UGT3A1: variants seen among roughly 807,000 people sequenced by gnomAD.
UGT3A1 encodes the protein UDP-glycosyltransferase 3A1.
Under a neutral mutation model 37.6 loss-of-function variants are expected in UGT3A1, and 40 were observed. The ratio of observed to expected loss-of-function variants is 1.06; its 90% confidence interval spans 0.83 to 1.38. The LOEUF (loss-of-function observed/expected upper bound fraction) is 1.38. Ranked by LOEUF, UGT3A1 falls within the 40% of genes most tolerant of loss-of-function variation. UGT3A1 has a pLI of 0.00. For missense variants in UGT3A1, 642 were observed against 634.2 expected (o/e 1.01, Z -0.13); for synonymous variants, 256 against 232.3 (o/e 1.10, Z -0.93).
At chr5:35,965,209 C>T (rs1290859178) in intron 4 of UGT3A1, among the ~76,000 whole-genome samples, 177 bp downstream of exon 4, 1 of 152,182 alleles carries the variant, frequency 6.6e-6, no homozygotes, top group Non-Finnish European at 1.5e-5. Flanking sequence ...TCCTGCAAGG[C>T]CTGACACTGT....
chr5:35,972,892 A>AT (rs1006039068), intron 2 of UGT3A1, among the ~76,000 whole-genome samples: 1 of 151,604 alleles, frequency 6.6e-6, no homozygotes, highest in Non-Finnish European at 1.5e-5. Context: ...GCCCTGAAAA[A>AT]AAAAAAAATC....
chr5:35,964,854 C>T (rs1018352292), intron 4 of UGT3A1, among the ~76,000 whole-genome samples: 2 of 152,126 alleles, frequency 1.3e-5, no homozygotes, highest in African/African-American at 4.8e-5. Context: ...ATGGCAGGGG[C>T]CCACCCCAGA....
intron 2 of UGT3A1, among the ~76,000 whole-genome samples, chr5:35,979,014 T>G (rs887097443): frequency 2.6e-5 from 4 of 152,184 alleles, no homozygotes; most frequent in African/African-American, 7.2e-5. Context: ...ATGATCTCCT[T>G]TGAATCCGTG....
intron 5 of UGT3A1, among the ~76,000 whole-genome samples, chr5:35,956,382 A>C (rs1250635218): frequency 1.3e-5 from 2 of 152,230 alleles, no homozygotes; most frequent in African/African-American, 4.8e-5. Flanking sequence ...TTCTCAACAG[A>C]AATGTGGATT....
At chr5:35,989,279 T>C (rs1289850235) in intron 1 of UGT3A1, among the ~76,000 whole-genome samples, 1 of 152,196 alleles carries the variant, frequency 6.6e-6, no homozygotes, top group Non-Finnish European at 1.5e-5. Flanking sequence ...AATCCTACCA[T>C]GCTAAGGAAA....
chr5:35,959,380 T>C (rs1739487098), intron 4 of UGT3A1, among the ~76,000 whole-genome samples: 1 of 152,166 alleles, frequency 6.6e-6, no homozygotes, highest in African/African-American at 2.4e-5. Context: ...TTGGACTTAC[T>C]ACACAAATAT....
chr5:35,989,023 A>C (rs1264385737), intron 1 of UGT3A1, among the ~76,000 whole-genome samples: 1 of 152,228 alleles, frequency 6.6e-6, no homozygotes, highest in East Asian at 1.9e-4. Context: ...CCTATTTTGG[A>C]AAAGTATGCT....
intron 3 of UGT3A1, among the ~76,000 whole-genome samples, chr5:35,967,446 G>A (rs1739854949): frequency 6.6e-6 from 1 of 152,218 alleles, no homozygotes; most frequent in African/African-American, 2.4e-5. Context: ...AGGGCAAGAA[G>A]TCTCAGGCTC....
Position 35,951,880 on chromosome 5 carries a change from A to G in UGT3A1, c.*2322T>C, listed in dbSNP as rs1224169996. 6.6e-6 allele frequency: 1 copy of G among 152,168 alleles called. No individual in the cohort carries two copies. Among genetic ancestry groups the G allele is most frequent in the African/African-American group, 2.4e-5 (1 of 41,438 alleles). The allele number at this position is 152,168 out of a possible 1,614,324, so 9.4% of individuals were successfully genotyped here. A position where few individuals can be genotyped will look rare whatever the true frequency, so the allele number is the denominator to read the frequency against. On this transcript the variant is annotated 3_prime_UTR_variant, in exon 7 of 7. Transcript: ENST00000274278. Reference sequence around the variant, plus strand: ...GTTTTTGATATAGTGTGAAGTCTGGATCAAATATTGCCTTTTTTCTCAATA... The same window carrying G: ...GTTTTTGATATAGTGTGAAGTCTGGGTCAAATATTGCCTTTTTTCTCAATA...
Position 35,991,338 on chromosome 5 carries a change from T to A in UGT3A1, c.-98A>T. Reference sequence around the variant, plus strand: ...GCCTCAGTACTCCAAAGGCACTGGCTGTGGGCCTAGGAAGAGGTAGGAGAC... The same window carrying A: ...GCCTCAGTACTCCAAAGGCACTGGCAGTGGGCCTAGGAAGAGGTAGGAGAC... On this transcript the variant is annotated 5_prime_UTR_variant, in exon 1 of 7. Transcript: ENST00000274278. 1.3e-6 allele frequency: 2 copies of A among 1,563,070 alleles called. No homozygotes were observed. The highest frequency in any genetic ancestry group is 2.3e-5 in the East Asian group (1 of 44,194).
intron 2 of UGT3A1, among the ~76,000 whole-genome samples, chr5:35,987,592 CAA>C (rs1181407980): frequency 6.6e-6 from 1 of 152,084 alleles, no homozygotes; most frequent in Non-Finnish European, 1.5e-5. Flanking sequence ...GTGAACATTC[CAA>C]AACTCAATCT....
intron 1 of UGT3A1, among the ~76,000 whole-genome samples, chr5:35,989,435 C>G (rs1222109455): frequency 6.6e-6 from 1 of 152,094 alleles, no homozygotes; most frequent in East Asian, 1.9e-4. Flanking sequence ...TGGAAAAATG[C>G]CGAGAGTTTG....
At chr5:35,983,954 T>C (rs1032731655) in intron 2 of UGT3A1, among the ~76,000 whole-genome samples, 1 of 152,116 alleles carries the variant, frequency 6.6e-6, no homozygotes, top group Non-Finnish European at 1.5e-5. Flanking sequence ...TCATATCAAA[T>C]AGCAAAAAAC....
At position 35,965,894 on chromosome 5, in the gene UGT3A1, T is replaced by C; in HGVS notation, c.335A>G (p.Lys112Arg). 2.6e-6 allele frequency: 4 copies of C among 1,565,762 alleles called. No homozygotes were observed. Among genetic ancestry groups the C allele is most frequent in the Non-Finnish European group, 3.4e-6 (4 of 1,160,814 alleles). ...DGRKESEALV[K>R]LMEIFGTQCS... ...TTGAGTCCCAAATATTTCCATTAGC[T>C]TTACAAGGGCTTCAGATTCTTTTCT... Residue 112 changes from lysine (K) to arginine (R), a missense_variant, in exon 4 of 7, where the codon AAG (lysine) becomes AGG (arginine). Physicochemically the swap from Lys to Arg is conservative, Grantham distance 26. Transcript: ENST00000274278.
chr5:35,962,743 C>G (rs1739638489), intron 4 of UGT3A1: 1 of 608,756 alleles, frequency 1.6e-6, no homozygotes, highest in Non-Finnish European at 2.9e-6. Flanking sequence ...CCAAGCCAGT[C>G]CTTCATAATT....
At chr5:35,963,773 A>C (rs1044144765) in intron 4 of UGT3A1, among the ~76,000 whole-genome samples, 3 of 152,162 alleles carry the variant, frequency 2.0e-5, no homozygotes, top group Non-Finnish European at 4.4e-5. Flanking sequence ...GCTGTTGGGC[A>C]TGGCTTGTAC....
At chr5:35,994,333 T>TTGTGTGTGTGTG (rs35026618), upstream of UGT3A1, among the ~76,000 whole-genome samples, 378 of 138,628 alleles carry the variant, frequency 2.7e-3, 3 homozygotes, top group Admixed American at 3.8e-3. Flanking sequence ...TTTGTTTTGT[T>TTGTGTGTGTGTG]TGTGTGTGTG....
chr5:35,960,062 A>C (rs934281835), intron 4 of UGT3A1, among the ~76,000 whole-genome samples: 1 of 152,228 alleles, frequency 6.6e-6, no homozygotes, highest in Non-Finnish European at 1.5e-5. Context: ...ATGGAAAGGC[A>C]TTCTGGCTTC....
chr5:35,998,347 CACAGCAATT>C (rs1182650297), intron 1 of UGT3A1, among the ~76,000 whole-genome samples: 1 of 152,224 alleles, frequency 6.6e-6, no homozygotes, highest in Admixed American at 6.5e-5. Flanking sequence ...TGACAGCAAT[CACAGCAATT>C]GCCCTTCTGT....
Sources: allele counts gnomAD v4.1 joint callset (sites outside exome capture counted in the v4.1 genomes callset), GRCh38; gene constraint gnomAD v4.1.1; transcripts MANE v1.5; gene names NCBI Gene and HGNC (gene_info 2026-07-23, HGNC 2026-07-21).